Variants in RBFOX1 observed in about 807,000 individuals in gnomAD.
RBFOX1 encodes the protein RNA binding fox-1 homolog 1, also known as RNA binding protein fox-1 homolog 1.
In RBFOX1, 8 loss-of-function variants were observed where a neutral mutation model predicts 57.7. That is an observed-to-expected ratio of 0.14 (90% CI 0.08 to 0.25). RBFOX1 has a LOEUF of 0.25. RBFOX1 is among the 10% of genes least tolerant of loss of function. RBFOX1 has a pLI of 1.00. For synonymous variants in RBFOX1, 326 were observed against 222.4 expected (o/e 1.47, Z -4.15); for missense variants, 611 against 548.5 (o/e 1.11, Z -1.14).
chr16:5,856,226 TA>T (rs2057044965), intron 3 of RBFOX1, among the ~76,000 whole-genome samples: 1 of 52,318 alleles, frequency 1.9e-5, no homozygotes, highest in Admixed American at 3.0e-4. Context: ...TGTATATATA[TA>T]TGTATATATA....
intron 3 of RBFOX1, among the ~76,000 whole-genome samples, chr16:5,837,777 A>T (rs1475954330): frequency 1.3e-5 from 2 of 152,190 alleles, no homozygotes; most frequent in African/African-American, 2.4e-5. Flanking sequence ...TTTCCCAACC[A>T]GACTTCCCTG....
intron 4 of RBFOX1, among the ~76,000 whole-genome samples, chr16:7,318,321 G>T (rs372895470): frequency 6.6e-6 from 1 of 151,788 alleles, no homozygotes; most frequent in Non-Finnish European, 1.5e-5. Context: ...GGTGGCTCTG[G>T]TGGTGGTAGT....
chr16:7,396,368 C>G (rs746318871), intron 4 of RBFOX1, among the ~76,000 whole-genome samples: 42 of 152,240 alleles, frequency 2.8e-4, no homozygotes, highest in Admixed American at 7.9e-4. Context: ...GTAATGAGAA[C>G]AATTTCAGAG....
intron 3 of RBFOX1, chr16:5,616,260 T>A (rs1324215576): frequency 6.6e-6 from 1 of 152,376 alleles, no homozygotes; most frequent in Non-Finnish European, 1.5e-5. Flanking sequence ...CTCCCGCGGC[T>A]GGAAACCTGG....
intron 3 of RBFOX1, among the ~76,000 whole-genome samples, chr16:6,798,471 A>T (rs969594015): frequency 6.6e-6 from 1 of 152,178 alleles, no homozygotes; most frequent in Non-Finnish European, 1.5e-5. Context: ...TCAGAATGGC[A>T]GGGAGCTGAA....
chr16:5,923,576 G>C (rs9938913), intron 4 of RBFOX1, among the ~76,000 whole-genome samples: 81,104 of 142,868 alleles, frequency 0.57, 23,011 homozygotes, highest in East Asian at 0.74. Flanking sequence ...GAGCCTTGCT[G>C]TGTGGCCCAG....
chr16:6,468,916 T>C (rs181040661), intron 2 of RBFOX1, among the ~76,000 whole-genome samples: 1 of 152,286 alleles, frequency 6.6e-6, no homozygotes, highest in African/African-American at 2.4e-5. Context: ...ACCCACTAGT[T>C]ATTTTTCTTC....
chr16:6,950,495 A>G (rs2080495767), intron 3 of RBFOX1, among the ~76,000 whole-genome samples: 1 of 152,276 alleles, frequency 6.6e-6, no homozygotes, highest in East Asian at 1.9e-4. Context: ...GATGACCTGA[A>G]TTGGATTGAA....
intron 14 of RBFOX1, among the ~76,000 whole-genome samples, chr16:7,684,680 C>T (rs9922905): frequency 0.036 from 5,406 of 151,184 alleles, 333 homozygotes; most frequent in African/African-American, 0.12. Context: ...TCTTGCCTTT[C>T]ATGGTTTCAA....
intron 4 of RBFOX1, among the ~76,000 whole-genome samples, chr16:7,438,375 G>A (rs988393334): frequency 6.6e-6 from 1 of 152,096 alleles, no homozygotes; most frequent in Admixed American, 6.5e-5. Flanking sequence ...GCCACGGTGA[G>A]CATGATGGTG....
chr16:6,388,617 G>C (rs920565103), intron 2 of RBFOX1, among the ~76,000 whole-genome samples: 1 of 152,164 alleles, frequency 6.6e-6, no homozygotes, highest in Non-Finnish European at 1.5e-5. Flanking sequence ...GTTCCCACCA[G>C]TAACCTCAGC....
At chr16:6,045,274 G>C (rs1022944768) in intron 1 of RBFOX1, among the ~76,000 whole-genome samples, 1 of 152,230 alleles carries the variant, frequency 6.6e-6, no homozygotes, top group African/African-American at 2.4e-5. Flanking sequence ...TAAGGAGATA[G>C]AACATTTGGG....
intron 4 of RBFOX1, among the ~76,000 whole-genome samples, chr16:7,111,374 T>C (rs1192870536): frequency 6.6e-6 from 1 of 152,238 alleles, no homozygotes; most frequent in Non-Finnish European, 1.5e-5. Flanking sequence ...TACCATTTTT[T>C]CCTCATAGTA....
intron 3 of RBFOX1, among the ~76,000 whole-genome samples, chr16:7,025,911 C>G (rs1189095154): frequency 6.6e-6 from 1 of 152,188 alleles, no homozygotes; most frequent in Non-Finnish European, 1.5e-5. Context: ...TCAGGGATGC[C>G]TAGACCCCTC....
At chr16:6,291,740 T>C (rs546135176) in intron 1 of RBFOX1, among the ~76,000 whole-genome samples, 1 of 152,310 alleles carries the variant, frequency 6.6e-6, no homozygotes, top group East Asian at 1.9e-4. Flanking sequence ...AACATGAAAA[T>C]TGTATACTTC....
intron 3 of RBFOX1, among the ~76,000 whole-genome samples, chr16:6,849,011 G>C (rs575059204): frequency 2.6e-5 from 4 of 152,296 alleles, no homozygotes; most frequent in African/African-American, 9.6e-5. Flanking sequence ...CGTTTAGGTA[G>C]TCCCACCATT....
intron 5 of RBFOX1, among the ~76,000 whole-genome samples, chr16:7,574,325 T>C (rs917641815): frequency 6.6e-6 from 1 of 152,220 alleles, no homozygotes; most frequent in Non-Finnish European, 1.5e-5. Context: ...GGGAAAGAAC[T>C]AATAAAATAG....
intron 4 of RBFOX1, among the ~76,000 whole-genome samples, chr16:7,357,441 C>T (rs984958373): frequency 6.6e-6 from 1 of 152,138 alleles, no homozygotes; most frequent in African/African-American, 2.4e-5. Flanking sequence ...TGCAGTGGAA[C>T]CATCCAGGTT....
At chr16:5,962,821 T>G (rs867645525) in intron 4 of RBFOX1, among the ~76,000 whole-genome samples, 3,184 of 118,662 alleles carry the variant, frequency 0.027, 121 homozygotes, top group African/African-American at 0.11. Context: ...GGGTTTGGTT[T>G]TTTTTTTTTT....
Sources: gnomAD v4.1 joint callset for allele counts (sites outside exome capture counted in the v4.1 genomes callset) on GRCh38, gnomAD v4.1.1 for gene constraint, MANE v1.5 for transcripts, NCBI Gene and HGNC (gene_info 2026-07-23, HGNC 2026-07-21) for gene names.